PRKD1: variants seen among roughly 807,000 people sequenced by gnomAD.
The protein encoded by PRKD1 is serine/threonine-protein kinase D1.
Under a neutral mutation model 95.9 loss-of-function variants are expected in PRKD1, and 63 were observed. The ratio of observed to expected loss-of-function variants is 0.66; its 90% CI spans 0.54 to 0.81. The LOEUF is 0.81. Ranked by LOEUF, PRKD1 falls within the 30% of genes least tolerant of loss-of-function variation. The probability of loss-of-function intolerance (pLI) is 0.00; values close to 1 mark genes in which losing one functional copy is unlikely to be tolerated. For synonymous variants in PRKD1, 425 were observed against 423.1 expected (o/e 1.00, Z -0.05); for missense variants, 1,048 against 1,165.3 (o/e 0.90, Z 1.47).
intron 1 of PRKD1, among the ~76,000 whole-genome samples, chr14:29,772,368 G>A (rs908613148): frequency 3.3e-5 from 5 of 152,124 alleles, no homozygotes; most frequent in African/African-American, 1.2e-4. Context: ...GCAGCTAGGA[G>A]ACAACATCTA....
chr14:29,771,025 GCTC>G (rs1888484478), intron 1 of PRKD1, among the ~76,000 whole-genome samples: 1 of 151,658 alleles, frequency 6.6e-6, no homozygotes, highest in African/African-American at 2.4e-5. Flanking sequence ...GTACAACACA[GCTC>G]CTCTCTAAAT....
In PRKD1 at chr14:29,774,745, A is replaced by G. The variant is rs553297725; in HGVS notation, c.265-49071T>C. Among the ~76,000 whole-genome samples, 16 of 104,410 alleles carry G rather than the reference A, an allele frequency of 1.5e-4. No homozygotes were observed. The South Asian group carries it at 5.1e-3, about 33-fold the overall frequency. The allele number at this position is 104,410 out of a possible 152,430, so 68.5% of individuals were successfully genotyped here. On this transcript the variant is annotated intron_variant, in intron 1 of 17. Coordinates refer to ENST00000331968, the MANE Select transcript of PRKD1 (RefSeq NM_002742.3). ...GAGGAAACTATGCTTTGGGGAAATG[A>G]AGTACCTTATTCATGGTCACACAAT...
chr14:29,626,466 CT>C lies in PRKD1; in HGVS notation c.1798+17del. 6.3e-7 allele frequency: 1 copy of C among 1,590,574 alleles called. No homozygotes were observed. Among genetic ancestry groups the C allele is most frequent in the Non-Finnish European group, 8.6e-7 (1 of 1,165,980 alleles). ...CAAAAATTTTAAGTTCATAAAAATACTCAGTGAGATAACCTACCTCCATAAA... is the reference window on the plus strand; with the variant it reads ...CAAAAATTTTAAGTTCATAAAAATACCAGTGAGATAACCTACCTCCATAAA... On this transcript the variant is annotated intron_variant, in intron 12 of 17. Coordinates refer to ENST00000331968, the MANE Select transcript of PRKD1 (RefSeq NM_002742.3).
chr14:29,809,396 A>G (rs572996797), intron 1 of PRKD1, among the ~76,000 whole-genome samples: 4 of 152,294 alleles, frequency 2.6e-5, no homozygotes, highest in African/African-American at 7.2e-5. Flanking sequence ...TCTCCTCTCT[A>G]GCTGTGAAAA....
rs147308040 is a variant in PRKD1, at chr14:29,676,177, G to GTTTTTTTTTTTTTTTTTTTTTTTTTT, written c.404-9970_404-9969insAAAAAAAAAAAAAAAAAAAAAAAAAA. On this transcript the variant is annotated intron_variant, in intron 2 of 17. Coordinates refer to ENST00000331968, the MANE Select transcript of PRKD1 (RefSeq NM_002742.3). The stretch of plus-strand genomic sequence containing the variant: ...GCTGTAGGCATGCATAGTTCATTAC[G>GTTTTTTTTTTTTTTTTTTTTTTTTTT]TTTTTGTTTTTTTTTTTTTTTTTTT... 4.2e-4 allele frequency among the ~76,000 whole-genome samples: 44 copies of GTTTTTTTTTTTTTTTTTTTTTTTTTT among 104,738 alleles called. 4 individuals carry two copies. The highest frequency in any genetic ancestry group is 1.1e-3 in the South Asian group (3 of 2,836). The allele number at this position is 104,738 out of a possible 152,430, so 68.7% of individuals were successfully genotyped here.
At chr14:29,780,484 G>T (rs1432915409) in intron 1 of PRKD1, among the ~76,000 whole-genome samples, 2 of 152,174 alleles carry the variant, frequency 1.3e-5, no homozygotes, top group Admixed American at 6.5e-5. Flanking sequence ...CAAAGGATAT[G>T]AACAGACACT....
At chr14:29,829,362 A>G (rs1891316115) in intron 1 of PRKD1, among the ~76,000 whole-genome samples, 1 of 152,242 alleles carries the variant, frequency 6.6e-6, no homozygotes, top group South Asian at 2.1e-4. Flanking sequence ...ATTAAAAGAA[A>G]TAAAATCCAT....
chr14:29,848,575 GA>G (rs74266227), intron 1 of PRKD1, among the ~76,000 whole-genome samples: 114 of 137,504 alleles, frequency 8.3e-4, no homozygotes, highest in Middle Eastern at 3.6e-3. Context: ...AAAGTATAAG[GA>G]AAAAAAAAAA....
At chr14:29,716,528 G>C (rs1741378461) in intron 2 of PRKD1, among the ~76,000 whole-genome samples, 1 of 152,136 alleles carries the variant, frequency 6.6e-6, no homozygotes, top group African/African-American at 2.4e-5. Context: ...TTTCCTTCCA[G>C]ACTCTGAAAT....
intron 12 of PRKD1, among the ~76,000 whole-genome samples, chr14:29,624,944 T>C (rs532813102): frequency 3.9e-5 from 6 of 152,184 alleles, no homozygotes; most frequent in Non-Finnish European, 5.9e-5. Context: ...CACTACTATA[T>C]TGTGGTAGGT....
At chr14:29,818,604 A>G (rs1326966621) in intron 1 of PRKD1, among the ~76,000 whole-genome samples, 1 of 148,248 alleles carries the variant, frequency 6.7e-6, no homozygotes, top group Non-Finnish European at 1.5e-5. Context: ...AACTGAAAAG[A>G]ATACTTCATT....
At chr14:29,858,479 A>C (rs1450567467) in intron 1 of PRKD1, among the ~76,000 whole-genome samples, 1 of 152,158 alleles carries the variant, frequency 6.6e-6, no homozygotes, top group Admixed American at 6.5e-5. Context: ...TCCCTCGCCC[A>C]GTTCCCCATT....
chr14:29,725,469 A>G, intron 2 of PRKD1, 67 bp downstream of exon 2: 1 of 1,549,346 alleles, frequency 6.5e-7, no homozygotes, highest in Non-Finnish European at 8.8e-7. Flanking sequence ...TTAAAAACAT[A>G]TGCCCAAGAA....
At chr14:29,693,340 A>G (rs907525033) in intron 2 of PRKD1, among the ~76,000 whole-genome samples, 2 of 152,024 alleles carry the variant, frequency 1.3e-5, no homozygotes, top group African/African-American at 4.8e-5. Flanking sequence ...GTTAAATCTC[A>G]TATTCTTTGC....
At chr14:29,829,131 G>A (rs1891307502) in intron 1 of PRKD1, among the ~76,000 whole-genome samples, 1 of 152,154 alleles carries the variant, frequency 6.6e-6, no homozygotes, top group Admixed American at 6.6e-5. Context: ...AGCCAAACAT[G>A]TGAGTGAAGA....
At chr14:29,687,443 C>G (rs1056919996) in intron 2 of PRKD1, among the ~76,000 whole-genome samples, 5 of 152,122 alleles carry the variant, frequency 3.3e-5, no homozygotes, top group African/African-American at 1.2e-4. Context: ...GCTAGGTATA[C>G]CAGAGACTCA....
At chr14:29,665,412 T>G (rs1882432367) in intron 3 of PRKD1, among the ~76,000 whole-genome samples, 1 of 152,132 alleles carries the variant, frequency 6.6e-6, no homozygotes, top group Non-Finnish European at 1.5e-5. Flanking sequence ...TTCCAATGTC[T>G]ATTACACCAC....
At chr14:29,864,207 C>A (rs1295767083) in intron 1 of PRKD1, among the ~76,000 whole-genome samples, 1 of 151,968 alleles carries the variant, frequency 6.6e-6, no homozygotes, top group Non-Finnish European at 1.5e-5. Context: ...AATATTCCAA[C>A]CAATATAACA....
chr14:29,636,599 G>C (rs1244086009), intron 6 of PRKD1, 105 bp from the exon 7 acceptor site: 1 of 1,135,006 alleles, frequency 8.8e-7, no homozygotes, highest in Non-Finnish European at 1.3e-6. Context: ...GCCCCAAAGA[G>C]GTAGTTCTGT....
Sources: gnomAD v4.1 joint callset for allele counts (sites outside exome capture counted in the v4.1 genomes callset) on GRCh38, gnomAD v4.1.1 for gene constraint, MANE v1.5 for transcripts, NCBI Gene and HGNC (gene_info 2026-07-23, HGNC 2026-07-21) for gene names.